Variants in BICD1 observed in about 807,000 individuals in gnomAD.
BICD1 encodes the protein protein bicaudal D homolog 1.
In BICD1, 35 loss-of-function variants were observed where a neutral mutation model predicts 92.5. That is an observed-to-expected ratio of 0.38 (90% CI 0.29 to 0.50). The LOEUF (loss-of-function observed/expected upper bound fraction) is 0.50, where lower values mean the gene tolerates loss of function less well. Ranked by LOEUF, BICD1 falls within the 20% of genes least tolerant of loss-of-function variation. The probability of loss-of-function intolerance (pLI) is 0.93; values close to 1 mark genes in which losing one functional copy is unlikely to be tolerated. For synonymous variants in BICD1, 429 were observed against 465.1 expected, an observed-to-expected ratio of 0.92 and a Z score of 1.00; for missense variants, 950 against 1,189.8, an observed-to-expected ratio of 0.80 and a Z score of 2.97.
intron 2 of BICD1, among the ~76,000 whole-genome samples, chr12:32,244,394 T>C (rs997525794): frequency 1.3e-5 from 2 of 152,158 alleles, no homozygotes; most frequent in Non-Finnish European, 2.9e-5. Flanking sequence ...TTTTATGGAA[T>C]GTCAGCCTTG....
At chr12:32,139,836 A>C (rs897947) in intron 1 of BICD1, among the ~76,000 whole-genome samples, 89,413 of 152,150 alleles carry the variant, frequency 0.59, 27,450 homozygotes, top group Admixed American at 0.7. Context: ...CTGAGATTAC[A>C]GGCGTGAGCC....
At chr12:32,131,105 G>C (rs1231802965) in intron 1 of BICD1, among the ~76,000 whole-genome samples, 1 of 152,248 alleles carries the variant, frequency 6.6e-6, no homozygotes, top group East Asian at 1.9e-4. Context: ...AAAGTGCTGG[G>C]ATTACAGGTG....
chr12:32,211,308 T>C (rs554632926), intron 1 of BICD1, among the ~76,000 whole-genome samples: 1 of 152,364 alleles, frequency 6.6e-6, no homozygotes, highest in African/African-American at 2.4e-5. Flanking sequence ...ATAAATATCA[T>C]GGCTAATTTT....
intron 1 of BICD1, among the ~76,000 whole-genome samples, chr12:32,173,384 C>T (rs1289674792): frequency 6.6e-6 from 1 of 152,106 alleles, no homozygotes; most frequent in Non-Finnish European, 1.5e-5. Context: ...ATCCCTTGTC[C>T]GACTCCTAGA....
intron 1 of BICD1, among the ~76,000 whole-genome samples, chr12:32,181,583 A>G (rs1261717538): frequency 3.3e-5 from 5 of 151,980 alleles, no homozygotes. Flanking sequence ...CATTTTATGC[A>G]TATAAATGCA....
At chr12:32,266,348 C>CA (rs1946995882) in intron 2 of BICD1, among the ~76,000 whole-genome samples, 1 of 152,100 alleles carries the variant, frequency 6.6e-6, no homozygotes, top group Non-Finnish European at 1.5e-5. Flanking sequence ...AATTATGTAA[C>CA]AGGGGCTTTC....
intron 1 of BICD1, among the ~76,000 whole-genome samples, chr12:32,209,819 C>T (rs184939932): frequency 2.5e-4 from 38 of 152,258 alleles, no homozygotes; most frequent in Admixed American, 2.3e-3. Flanking sequence ...AGGTTCCCAC[C>T]GAACGCATCT....
At chr12:32,168,115 G>A (rs1185628176) in intron 1 of BICD1, among the ~76,000 whole-genome samples, 3 of 151,992 alleles carry the variant, frequency 2.0e-5, no homozygotes, top group Non-Finnish European at 4.4e-5. Flanking sequence ...ATGATTGAAA[G>A]TTGGATATAT....
intron 1 of BICD1, among the ~76,000 whole-genome samples, chr12:32,206,264 T>G (rs2121549706): frequency 6.6e-6 from 1 of 152,314 alleles, no homozygotes; most frequent in African/African-American, 2.4e-5. Context: ...TAATTTATTT[T>G]TATTGCATTT....
chr12:32,292,912 C>T (rs1424263303), intron 2 of BICD1, among the ~76,000 whole-genome samples: 1 of 152,040 alleles, frequency 6.6e-6, no homozygotes, highest in East Asian at 1.9e-4. Context: ...TAAAACATAG[C>T]TTATACTTGC....
chr12:32,372,261 C>T (rs971594333), intron 9 of BICD1, among the ~76,000 whole-genome samples: 1 of 152,170 alleles, frequency 6.6e-6, no homozygotes, highest in African/African-American at 2.4e-5. Flanking sequence ...GGGCAGATCA[C>T]CTGAGGTCAG....
intron 4 of BICD1, among the ~76,000 whole-genome samples, chr12:32,324,364 C>A (rs2728792): frequency 0.76 from 99,033 of 130,574 alleles, 36,248 homozygotes; most frequent in East Asian, 0.87. Context: ...AAAAAAAAAA[C>A]AAAAAAAAAA....
rs1176889123 is a variant in BICD1, at chr12:32,378,002, TC to T, written c.*376del. 1 of 160,936 alleles carries T rather than the reference TC, an allele frequency of 6.2e-6. No homozygotes were observed. The highest frequency in any genetic ancestry group is 1.8e-4 in the East Asian group (1 of 5,630). 10.0% of individuals were successfully genotyped at this position (160,936 alleles called of 1,614,324 possible). ...TATCATCTTTCCTCACACTCCAAATTCAGCTAGGGAAGTTGATTCCAATATG... is the reference window on the plus strand; with the variant it reads ...TATCATCTTTCCTCACACTCCAAATTAGCTAGGGAAGTTGATTCCAATATG... On this transcript the variant is annotated 3_prime_UTR_variant, in exon 10 of 10. Transcript: ENST00000652176.
At chr12:32,279,076 T>C (rs975439138) in intron 2 of BICD1, among the ~76,000 whole-genome samples, 1 of 152,230 alleles carries the variant, frequency 6.6e-6, no homozygotes, top group African/African-American at 2.4e-5. Context: ...AAAGGTTATA[T>C]GAGCATTAAC....
chr12:32,315,008 G>T (rs1948463485), intron 4 of BICD1, among the ~76,000 whole-genome samples: 1 of 152,058 alleles, frequency 6.6e-6, no homozygotes, highest in Non-Finnish European at 1.5e-5. Context: ...TGTGCTTTTG[G>T]TGTCATACAA....
At chr12:32,117,217 G>T (rs1308505925) in intron 1 of BICD1, among the ~76,000 whole-genome samples, 3 of 152,144 alleles carry the variant, frequency 2.0e-5, no homozygotes, top group Non-Finnish European at 4.4e-5. Context: ...ACTCTATGGG[G>T]AGTTGTCCTT....
intron 1 of BICD1, chr12:32,109,293 C>G (rs1419216944): frequency 2.6e-5 from 4 of 152,246 alleles, no homozygotes; most frequent in Middle Eastern, 3.4e-3. Flanking sequence ...ATGAAAGAAT[C>G]AGTTTGTACT....
chr12:32,382,555 T>A lies in BICD1; in HGVS notation c.*4928T>A, dbSNP rs1940221232. 1 of 152,060 alleles carries A rather than the reference T, an allele frequency of 6.6e-6. No homozygotes were observed. The highest frequency in any genetic ancestry group is 1.5e-5 in the Non-Finnish European group (1 of 67,932). The allele number at this position is 152,060 out of a possible 1,614,324, so 9.4% of individuals were successfully genotyped here. A position where few individuals can be genotyped will look rare whatever the true frequency, so the allele number is the denominator to read the frequency against. On this transcript the variant is annotated 3_prime_UTR_variant, in exon 10 of 10. Coordinates refer to ENST00000652176, the MANE Select transcript of BICD1 (RefSeq NM_001714.4). ...GGCTCTAATCCTCAGTGTATTTTTA[T>A]CCCTTCTCGAGTTATTTAAAATTTG... is the stretch of plus-strand genomic sequence containing the variant.
intron 6 of BICD1, among the ~76,000 whole-genome samples, chr12:32,336,173 T>C (rs899843783): frequency 6.6e-6 from 1 of 151,994 alleles, no homozygotes; most frequent in African/African-American, 2.4e-5. Flanking sequence ...TTTCACAGAC[T>C]TTTTTTTGGC....
Sources: allele counts gnomAD v4.1 joint callset (sites outside exome capture counted in the v4.1 genomes callset), GRCh38; gene constraint gnomAD v4.1.1; transcripts MANE v1.5; gene names NCBI Gene and HGNC (gene_info 2026-07-23, HGNC 2026-07-21).